Variants in RUSC2 observed in about 807,000 individuals in gnomAD.
RUSC2 encodes the protein AP-4 complex accessory subunit RUSC2.
In RUSC2, 34 loss-of-function variants were observed where a neutral mutation model predicts 122.2. The ratio of observed to expected loss-of-function variants is 0.28; its 90% CI spans 0.21 to 0.37. RUSC2 has a LOEUF of 0.37. Ranked by LOEUF, RUSC2 falls within the 10% of genes least tolerant of loss-of-function variation. The pLI, the probability that RUSC2 is intolerant of heterozygous loss-of-function variation, is 1.00. For synonymous variants in RUSC2, 784 were observed against 790.0 expected (o/e 0.99, Z 0.13); for missense variants, 1,747 against 1,952.4 (o/e 0.89, Z 1.98).
chr9:35,543,935 G>T (rs1416877875), intron 1 of RUSC2, among the ~76,000 whole-genome samples: 3 of 152,212 alleles, frequency 2.0e-5, no homozygotes, highest in Non-Finnish European at 4.4e-5. Flanking sequence ...GCTTTAGTGT[G>T]AACATATGTT....
intron 1 of RUSC2, among the ~76,000 whole-genome samples, chr9:35,523,811 T>TGC (rs1416058306): frequency 6.8e-6 from 1 of 147,726 alleles, no homozygotes; most frequent in Non-Finnish European, 1.5e-5. Context: ...GGAGACTCCA[T>TGC]CTCAAAAAAT....
chr9:35,541,708 G>C (rs980726830), intron 1 of RUSC2, among the ~76,000 whole-genome samples: 1 of 151,892 alleles, frequency 6.6e-6, no homozygotes, highest in Admixed American at 6.6e-5. Flanking sequence ...GCCTCCCAAA[G>C]TGCTGGGATT....
rs2131705313 is a variant in RUSC2 at position 35,560,023 on chromosome 9, C to T, written c.3389-6C>T. The T allele has an allele frequency of 6.3e-7, 1 of 1,582,956 alleles. No homozygotes were observed. Among genetic ancestry groups the T allele is most frequent in the South Asian group, 1.1e-5 (1 of 88,110 alleles). Reference sequence around the variant, plus strand: ...TGTGGATCAGTCCCTCTCTCTTTTCCCCTAGACATCATCCAGACCCACTAC... The same window carrying T: ...TGTGGATCAGTCCCTCTCTCTTTTCTCCTAGACATCATCCAGACCCACTAC... On this transcript the variant is annotated splice_polypyrimidine_tract_variant and splice_region_variant and intron_variant, in intron 9 of 11. Transcript: ENST00000361226.
At chr9:35,506,734 G>C (rs1820923732) in intron 1 of RUSC2, among the ~76,000 whole-genome samples, 1 of 152,140 alleles carries the variant, frequency 6.6e-6, no homozygotes, top group Non-Finnish European at 1.5e-5. Flanking sequence ...TGGTTGACTA[G>C]ATAAAGCTCA....
chr9:35,501,208 C>T (rs1820812060), intron 1 of RUSC2, among the ~76,000 whole-genome samples: 2 of 152,302 alleles, frequency 1.3e-5, no homozygotes, highest in South Asian at 2.1e-4. Context: ...GTTCAGGTTT[C>T]CCTCTTTTCA....
chr9:35,556,193 G>A lies in RUSC2; in HGVS notation c.2842+56G>A, dbSNP rs145158645. ...GGCAGGCTCTGCCATGGCTGGAAAGGGCTAGAGAAGGGGTCAGTCCCAAAG... is the reference window on the plus strand; with the variant it reads ...GGCAGGCTCTGCCATGGCTGGAAAGAGCTAGAGAAGGGGTCAGTCCCAAAG... On this transcript the variant is annotated intron_variant, in intron 4 of 11. Coordinates refer to ENST00000361226, the MANE Select transcript of RUSC2 (RefSeq NM_014806.5). 2.8e-4 allele frequency: 451 copies of A among 1,602,632 alleles called. 3 individuals are homozygous for A. The South Asian group carries it at 3.2e-3, about 11-fold the overall frequency.
chr9:35,556,100 C>A lies in RUSC2; in HGVS notation c.2805C>A (p.Ser935=). The A allele has an allele frequency of 6.2e-7, 1 of 1,614,196 alleles. No homozygotes were observed. The highest frequency in any genetic ancestry group is 2.2e-5 in the East Asian group (1 of 44,884). ...RRNPIFEFPG[S]LSAASHLNCR... is the part of the protein sequence containing the mutation. ...ACCCTATCTTTGAGTTCCCTGGCTC[C>A]CTCAGTGCTGCCAGCCATCTGAACT... The change falls in exon 4 of 12, where the codon TCC becomes TCA. Residue 935 remains serine, a synonymous_variant. Coordinates refer to ENST00000361226, the MANE Select transcript of RUSC2 (RefSeq NM_014806.5).
chr9:35,543,802 C>G (rs1228347266), intron 1 of RUSC2, among the ~76,000 whole-genome samples: 1 of 152,154 alleles, frequency 6.6e-6, no homozygotes, highest in Non-Finnish European at 1.5e-5. Flanking sequence ...ATGGATTTGC[C>G]TATTCTGGAC....
intron 1 of RUSC2, among the ~76,000 whole-genome samples, chr9:35,504,460 GT>G (rs916958013): frequency 4.8e-5 from 7 of 146,894 alleles, no homozygotes; most frequent in Non-Finnish European, 7.5e-5. Flanking sequence ...AGTTTTTTGG[GT>G]TTTTTTTCTT....
At chr9:35,512,022 A>T (rs1458044461) in intron 1 of RUSC2, among the ~76,000 whole-genome samples, 1 of 152,172 alleles carries the variant, frequency 6.6e-6, no homozygotes, top group African/African-American at 2.4e-5. Flanking sequence ...CTACTAAAAA[A>T]TACAAAAGAT....
chr9:35,535,921 T>C (rs1417024860), intron 1 of RUSC2, among the ~76,000 whole-genome samples: 2 of 152,310 alleles, frequency 1.3e-5, no homozygotes, highest in South Asian at 2.1e-4. Context: ...CCAAGCAGTA[T>C]GCTAGGTTTT....
chr9:35,506,640 T>C (rs1426505446), intron 1 of RUSC2, among the ~76,000 whole-genome samples: 2 of 152,206 alleles, frequency 1.3e-5, no homozygotes, highest in East Asian at 1.9e-4. Context: ...ACAGAGATTA[T>C]AGCCTGGCAC....
chr9:35,499,721 A>T (rs765856588), intron 1 of RUSC2, among the ~76,000 whole-genome samples: 33 of 152,174 alleles, frequency 2.2e-4, no homozygotes, highest in Non-Finnish European at 2.8e-4. Context: ...AATTCTTTTT[A>T]AAAAAAGAAA....
chr9:35,541,380 C>T (rs1473150674), intron 1 of RUSC2, among the ~76,000 whole-genome samples: 1 of 151,704 alleles, frequency 6.6e-6, no homozygotes, highest in Non-Finnish European at 1.5e-5. Context: ...GAAAAAGTCA[C>T]TCCCAGGAAA....
chr9:35,522,642 GA>G (rs1821238325), intron 1 of RUSC2, among the ~76,000 whole-genome samples: 1 of 151,938 alleles, frequency 6.6e-6, no homozygotes, highest in Admixed American at 6.6e-5. Context: ...CTTGTGGCTT[GA>G]TTGCTTGCTT....
chr9:35,524,738 G>T (rs949218747), intron 1 of RUSC2, among the ~76,000 whole-genome samples: 1 of 152,154 alleles, frequency 6.6e-6, no homozygotes, highest in African/African-American at 2.4e-5. Context: ...TTGGGAGGCC[G>T]AGACGGGTGG....
intron 1 of RUSC2, among the ~76,000 whole-genome samples, chr9:35,544,443 G>A (rs1215593032): frequency 2.6e-5 from 4 of 151,812 alleles, no homozygotes; most frequent in Non-Finnish European, 4.4e-5. Flanking sequence ...AAGTAGCTGG[G>A]ATTACAGGCA....
intron 1 of RUSC2, among the ~76,000 whole-genome samples, chr9:35,543,376 C>T (rs531600790): frequency 5.3e-5 from 8 of 152,046 alleles, no homozygotes; most frequent in East Asian, 1.9e-4. Flanking sequence ...GAGCCATGAT[C>T]GCACCACTGC....
In RUSC2 at chr9:35,548,036, C is replaced by T. The variant is rs1821801297; in HGVS notation, c.1515C>T (p.Arg505=). 6.2e-7 allele frequency: 1 copy of T among 1,613,686 alleles called. No individual in the cohort carries two copies. The highest frequency in any genetic ancestry group is 1.3e-5 in the African/African-American group (1 of 74,954). The change falls in exon 2 of 12, where the codon CGC becomes CGT. Residue 505 remains arginine, a synonymous_variant. Transcript: ENST00000361226. This position sits in a 1 kb window ranked among gnomAD's most constrained non-coding sequence, Gnocchi z 4.5. The part of the protein sequence containing the change: ...RSRSYDRSLQ[R]SPPVRLGSLE... ...GCAGCTATGATCGCAGCCTGCAGCG[C>T]AGCCCTCCTGTCCGCCTGGGCTCGC...
Sources: gnomAD v4.1 joint callset for allele counts (sites outside exome capture counted in the v4.1 genomes callset) on GRCh38, gnomAD v4.1.1 for gene constraint, Gnocchi (gnomAD v3.1) non-coding constraint, MANE v1.5 for transcripts, NCBI Gene and HGNC (gene_info 2026-07-23, HGNC 2026-07-21) for gene names.